The following IGFBP7 variants were observed in gnomAD, a reference collection of about 807,000 sequenced individuals.
IGFBP7 encodes insulin like growth factor binding protein 7.
IGFBP7 carries 31 observed loss-of-function variants against 29.4 expected under a neutral mutation model. The ratio of observed to expected loss-of-function variants is 1.05; its 90% confidence interval spans 0.79 to 1.42. The LOEUF is 1.42. Ranked by LOEUF, IGFBP7 falls within the 40% of genes most tolerant of loss-of-function variation. The pLI is 0.00. For synonymous variants in IGFBP7, 172 were observed against 174.9 expected, an observed-to-expected ratio of 0.98 and a Z score of 0.13; for missense variants, 393 against 395.5, an observed-to-expected ratio of 0.99 and a Z score of 0.05.
chr4:57,032,927 C>T (rs1723975917), intron 3 of IGFBP7, among the ~76,000 whole-genome samples: 1 of 152,186 alleles, frequency 6.6e-6, no homozygotes, highest in Non-Finnish European at 1.5e-5. Context: ...ATGCTTGGGC[C>T]ACGCAGCTCC....
At chr4:57,066,378 G>T (rs1210802524) in intron 1 of IGFBP7, among the ~76,000 whole-genome samples, 1 of 152,124 alleles carries the variant, frequency 6.6e-6, no homozygotes, top group Non-Finnish European at 1.5e-5. Flanking sequence ...CCAGAACAAA[G>T]TCCCTGCTGA....
intron 1 of IGFBP7, among the ~76,000 whole-genome samples, chr4:57,093,644 G>A (rs989961206): frequency 3.3e-5 from 5 of 152,088 alleles, no homozygotes; most frequent in African/African-American, 9.7e-5. Context: ...CATTTGCCAG[G>A]GAGCTAGGTA....
At chr4:57,107,336 A>G (rs747369612) in intron 1 of IGFBP7, among the ~76,000 whole-genome samples, 2 of 152,168 alleles carry the variant, frequency 1.3e-5, no homozygotes, top group Non-Finnish European at 2.9e-5. Flanking sequence ...CCCCTACTCA[A>G]GTTATACTCA....
chr4:57,072,826 G>A, intron 1 of IGFBP7: 3 of 580,548 alleles, frequency 5.2e-6, no homozygotes, highest in South Asian at 1.4e-5. Context: ...AAGACCTGAG[G>A]TATAAGCTCT....
At chr4:57,045,732 T>TC (rs2109749033) in intron 1 of IGFBP7, among the ~76,000 whole-genome samples, 1 of 129,876 alleles carries the variant, frequency 7.7e-6, no homozygotes, top group South Asian at 2.9e-4. Context: ...ATGGAAAAAC[T>TC]CCTTTTTTTT....
intron 1 of IGFBP7, among the ~76,000 whole-genome samples, chr4:57,109,201 C>T (rs534648008): frequency 6.6e-6 from 1 of 152,230 alleles, no homozygotes; most frequent in South Asian, 2.1e-4. Context: ...GCCGGGATTA[C>T]TTGAGCTCAG....
chr4:57,094,848 A>G (rs1056362922), intron 1 of IGFBP7, among the ~76,000 whole-genome samples: 9 of 152,224 alleles, frequency 5.9e-5, no homozygotes, highest in African/African-American at 2.2e-4. Context: ...GCTAAAGTGT[A>G]ATTGCCTCCC....
At chr4:57,105,906 A>AGT (rs1025344357) in intron 1 of IGFBP7, among the ~76,000 whole-genome samples, 1 of 40,710 alleles carries the variant, frequency 2.5e-5, no homozygotes, top group African/African-American at 8.2e-5. Context: ...CCATTTTTTA[A>AGT]ATTTTTTTTT....
intron 1 of IGFBP7, chr4:57,073,115 A>G: frequency 1.3e-6 from 2 of 1,596,080 alleles, no homozygotes; most frequent in Non-Finnish European, 1.7e-6. Context: ...AAAGCAGGTC[A>G]CCAGCCAGGA....
At position 57,089,508 on chromosome 4, in the gene IGFBP7, A is replaced by G. The variant is rs143233901; in HGVS notation, c.475+20369T>C. On this transcript the variant is annotated intron_variant, in intron 1 of 4. Coordinates refer to ENST00000295666, the MANE Select transcript of IGFBP7 (RefSeq NM_001553.3). ...AGACATATTTGCTACAAAGCTTTCC[A>G]TTTTTCCCCCCAGCTATGACCTATT... 8.7e-4 allele frequency among the ~76,000 whole-genome samples: 132 copies of G among 152,238 alleles called. 1 individual carries two copies. The highest frequency in any genetic ancestry group is 3.0e-3 in the African/African-American group (126 of 41,558).
chr4:57,034,317 G>A (rs1038657266), intron 2 of IGFBP7, among the ~76,000 whole-genome samples: 2 of 151,690 alleles, frequency 1.3e-5, no homozygotes, highest in African/African-American at 4.8e-5. Context: ...GAGTTACAGA[G>A]TACAAATATT....
chr4:57,092,125 A>G (rs760860204), intron 1 of IGFBP7, among the ~76,000 whole-genome samples: 7 of 152,342 alleles, frequency 4.6e-5, no homozygotes, highest in South Asian at 4.1e-4. Flanking sequence ...CAAATTTCAC[A>G]AAGTTTTTCC....
intron 1 of IGFBP7, among the ~76,000 whole-genome samples, chr4:57,086,388 C>T (rs1038466968): frequency 1.1e-4 from 16 of 152,206 alleles, no homozygotes; most frequent in Non-Finnish European, 1.9e-4. Flanking sequence ...GGGACCCAGG[C>T]TACTCAAGCC....
chr4:57,105,894 G>A (rs1173281948), intron 1 of IGFBP7, among the ~76,000 whole-genome samples: 1 of 144,834 alleles, frequency 6.9e-6, no homozygotes, highest in African/African-American at 2.6e-5. Flanking sequence ...CTAGGTAACA[G>A]CCCATTTTTT....
In IGFBP7 at chr4:57,032,451, G is replaced by C; in HGVS notation, c.804C>G (p.Ala268=). Residue 268 remains alanine (A), a synonymous_variant, in exon 4 of 5, where the codon GCC becomes GCG. Coordinates refer to ENST00000295666, the MANE Select transcript of IGFBP7 (RefSeq NM_001553.3). ...SASAKITVVD[A]LHEIPVKKGE... is the part of the protein sequence containing the mutation. ...CTTTTTTCACTGGTATTTCATGTAA[G>C]GCATCAACCACTGTAATTTTTGCTG... The C allele has an allele frequency of 6.2e-7, 1 of 1,613,328 alleles. No homozygotes were observed. Among genetic ancestry groups the C allele is most frequent in the South Asian group, 1.1e-5 (1 of 91,058 alleles).
intron 1 of IGFBP7, among the ~76,000 whole-genome samples, chr4:57,048,636 A>T (rs778803091): frequency 1.3e-5 from 2 of 152,214 alleles, no homozygotes; most frequent in Non-Finnish European, 2.9e-5. Flanking sequence ...GATTTTATAT[A>T]AAGTCTTGGT....
chr4:57,100,052 ATTTC>A (rs943879455), intron 1 of IGFBP7, among the ~76,000 whole-genome samples: 3 of 135,162 alleles, frequency 2.2e-5, no homozygotes, highest in Non-Finnish European at 4.7e-5. Flanking sequence ...TACGTTTCTT[ATTTC>A]TTTTTCTTTT....
rs1360157396 is a variant in IGFBP7, at chr4:57,071,109, T to A, written c.476-30176A>T. Among the ~76,000 whole-genome samples the A allele has an allele frequency of 2.6e-5, 4 of 152,186 alleles. No individual in the cohort carries two copies. The East Asian group carries it at 7.7e-4, about 29-fold the overall frequency. On this transcript the variant is annotated intron_variant, in intron 1 of 4. Coordinates refer to ENST00000295666, the MANE Select transcript of IGFBP7 (RefSeq NM_001553.3). The stretch of plus-strand genomic sequence containing the variant: ...AGCCTGTCTAGAAGAAGTGTGTGAA[T>A]CTATATAAGGTACCGCATGAGCATA...
intron 1 of IGFBP7, among the ~76,000 whole-genome samples, chr4:57,098,000 G>T (rs1415081469): frequency 2.0e-5 from 3 of 152,146 alleles, no homozygotes; most frequent in Non-Finnish European, 4.4e-5. Context: ...AAGGGAGATA[G>T]GCTTGGGGCT....
Sources: gnomAD v4.1 joint callset for allele counts (sites outside exome capture counted in the v4.1 genomes callset) on GRCh38, gnomAD v4.1.1 for gene constraint, MANE v1.5 for transcripts, NCBI Gene and HGNC (gene_info 2026-07-23, HGNC 2026-07-21) for gene names.